Variants in DGKB observed in about 807,000 individuals in gnomAD.
DGKB encodes diacylglycerol kinase beta.
In DGKB, 67 loss-of-function variants were observed where a neutral mutation model predicts 114.3. The ratio of observed to expected loss-of-function variants is 0.59; its 90% CI spans 0.48 to 0.72. The LOEUF is 0.72. Ranked by LOEUF, DGKB falls within the 30% of genes least tolerant of loss-of-function variation. DGKB has a pLI of 0.00. For missense variants in DGKB, 907 were observed against 975.2 expected (o/e 0.93, Z 0.93); for synonymous variants, 398 against 323.1 (o/e 1.23, Z -2.49).
intron 20 of DGKB, among the ~76,000 whole-genome samples, chr7:14,516,389 G>C (rs1584508969): frequency 2.0e-5 from 3 of 152,130 alleles, no homozygotes. Flanking sequence ...CCTAGTTGAA[G>C]GGTTCAATGT....
chr7:14,155,034 T>G (rs760991565), intron 25 of DGKB, among the ~76,000 whole-genome samples: 1 of 152,102 alleles, frequency 6.6e-6, no homozygotes, highest in Non-Finnish European at 1.5e-5. Context: ...CCAGATCTTC[T>G]GATTCAGATT....
intron 20 of DGKB, among the ~76,000 whole-genome samples, chr7:14,493,925 TACACACACACACACAC>T (rs372780599): frequency 2.2e-5 from 3 of 137,630 alleles, no homozygotes; most frequent in Non-Finnish European, 4.8e-5. Flanking sequence ...CATGGTATCA[TACACACACACACACAC>T]ACACACACAC....
At chr7:14,848,628 C>A (rs1229982642) in intron 1 of DGKB, among the ~76,000 whole-genome samples, 1 of 152,186 alleles carries the variant, frequency 6.6e-6, no homozygotes, top group Non-Finnish European at 1.5e-5. Context: ...CCATTCAGGG[C>A]AAAGACTGCA....
chr7:14,167,541 G>A (rs1784787521), intron 25 of DGKB, among the ~76,000 whole-genome samples: 1 of 152,136 alleles, frequency 6.6e-6, no homozygotes, highest in African/African-American at 2.4e-5. Context: ...GCTTGAGAAA[G>A]CTATCCTATG....
chr7:14,529,745 T>A (rs1432709601), intron 20 of DGKB, among the ~76,000 whole-genome samples: 1 of 151,840 alleles, frequency 6.6e-6, no homozygotes, highest in Non-Finnish European at 1.5e-5. Flanking sequence ...TTTTCTACTT[T>A]CTCCAACAGG....
intron 20 of DGKB, among the ~76,000 whole-genome samples, chr7:14,518,404 C>T (rs1427368590): frequency 2.6e-5 from 4 of 151,636 alleles, no homozygotes; most frequent in Non-Finnish European, 1.5e-5. Flanking sequence ...TATATCAAAC[C>T]CCCATGACAC....
chr7:14,654,811 A>G (rs1815427782), intron 13 of DGKB, among the ~76,000 whole-genome samples: 1 of 151,972 alleles, frequency 6.6e-6, no homozygotes, highest in Admixed American at 6.6e-5. Context: ...GGTGTTGAGA[A>G]AACTGGATAT....
In DGKB at chr7:14,235,123, T is replaced by C. The variant is rs538623086; in HGVS notation, c.2123-56972A>G. 1.1e-4 allele frequency among the ~76,000 whole-genome samples: 17 copies of C among 152,212 alleles called. No individual in the cohort carries two copies. In the East Asian group the frequency reaches 3.1e-3, roughly 28 times the overall value. On this transcript the variant is annotated intron_variant, in intron 23 of 25. Transcript: ENST00000402815. ...AGACCTGAGTACTAACAGGGTCACC[T>C]GGTAAACAAACCCCTCCTCTTGATC...
chr7:14,735,992 T>A (rs1360315990), intron 5 of DGKB, 49 bp downstream of exon 5: 1 of 1,153,002 alleles, frequency 8.7e-7, no homozygotes, highest in African/African-American at 1.6e-5. Flanking sequence ...GATATTTATT[T>A]AGCCTTTGAA....
chr7:14,592,629 A>C (rs896761112), intron 17 of DGKB, among the ~76,000 whole-genome samples: 2 of 151,918 alleles, frequency 1.3e-5, no homozygotes, highest in Non-Finnish European at 2.9e-5. Flanking sequence ...GTATCTGTAC[A>C]TACCTTGGTA....
At chr7:14,624,527 T>C (rs193190507) in intron 14 of DGKB, among the ~76,000 whole-genome samples, 1 of 152,304 alleles carries the variant, frequency 6.6e-6, no homozygotes, top group East Asian at 1.9e-4. Context: ...TGAAACCATC[T>C]ATTAATATGA....
At chr7:14,464,665 TGTTA>T (rs1256333770) in intron 21 of DGKB, among the ~76,000 whole-genome samples, 2 of 152,176 alleles carry the variant, frequency 1.3e-5, no homozygotes, top group Admixed American at 6.5e-5. Flanking sequence ...TCCGTGTACT[TGTTA>T]GTATTTTTAT....
intron 21 of DGKB, among the ~76,000 whole-genome samples, chr7:14,375,470 C>G (rs1440299204): frequency 6.6e-6 from 1 of 152,026 alleles, no homozygotes; most frequent in Non-Finnish European, 1.5e-5. Flanking sequence ...TGACAAAAGA[C>G]AAAATCACAA....
intron 20 of DGKB, among the ~76,000 whole-genome samples, chr7:14,522,592 C>T (rs1298812116): frequency 1.3e-5 from 2 of 152,166 alleles, no homozygotes; most frequent in African/African-American, 4.8e-5. Context: ...GTTGAACTAC[C>T]ATATTGACAC....
At chr7:14,966,085 A>T (rs936854114) in intron 1 of DGKB, among the ~76,000 whole-genome samples, 2 of 152,222 alleles carry the variant, frequency 1.3e-5, no homozygotes, top group Admixed American at 1.3e-4. Flanking sequence ...CTTCTGTTTA[A>T]TGGTTGAAAT....
chr7:14,669,044 C>T (rs1486251547), intron 13 of DGKB, among the ~76,000 whole-genome samples: 1 of 152,220 alleles, frequency 6.6e-6, no homozygotes, highest in South Asian at 2.1e-4. Context: ...ATCACAGTTT[C>T]TTTGAACAAT....
chr7:14,667,688 G>A (rs1334979071), intron 13 of DGKB, among the ~76,000 whole-genome samples: 1 of 152,098 alleles, frequency 6.6e-6, no homozygotes. Flanking sequence ...CTGAAAGTTC[G>A]CAGACTGAAA....
chr7:14,962,620 G>A (rs971231252), intron 1 of DGKB, among the ~76,000 whole-genome samples: 1 of 141,856 alleles, frequency 7.0e-6, no homozygotes, highest in African/African-American at 2.7e-5. Flanking sequence ...AGCTATAGCT[G>A]TGTGTGTGTG....
In DGKB at chr7:14,607,489, A is replaced by G; in HGVS notation, c.1378T>C (p.Tyr460His). 1 of 1,577,084 alleles carries G rather than the reference A, an allele frequency of 6.3e-7. No homozygotes were observed. The highest frequency in any genetic ancestry group is 1.7e-5 in the Admixed American group (1 of 58,974). Residue 460 changes from tyrosine (Y) to histidine (H), a missense_variant, in exon 17 of 26, where the codon TAT becomes CAT. Coordinates refer to ENST00000402815, the MANE Select transcript of DGKB (RefSeq NM_001350709.2). ...QGERIYRKFQ[Y>H]LLNPRQVYSL... ...TAAACCTGACGAGGATTTAATAGAT[A>G]CTGGAATTTTCTGTAAATTCTATAA...
Sources: gnomAD v4.1 joint callset for allele counts (sites outside exome capture counted in the v4.1 genomes callset) on GRCh38, gnomAD v4.1.1 for gene constraint, MANE v1.5 for transcripts, NCBI Gene and HGNC (gene_info 2026-07-23, HGNC 2026-07-21) for gene names.